Variants in SH3D19 observed in about 807,000 individuals in gnomAD.
SH3D19 encodes SH3 domain containing 19, also known as SH3 domain-containing protein 19.
SH3D19 carries 58 observed loss-of-function variants against 112.1 expected under a neutral mutation model. The observed-to-expected ratio is 0.52, with a 90% CI of 0.42 to 0.64. The LOEUF is 0.64. SH3D19 is among the 30% of genes least tolerant of loss of function. The pLI is 0.00. For missense variants in SH3D19, 1,090 were observed against 1,263.4 expected (o/e 0.86, Z 2.08); for synonymous variants, 391 against 448.5 (o/e 0.87, Z 1.62).
intron 1 of SH3D19, among the ~76,000 whole-genome samples, chr4:151,303,070 G>T (rs1458758561): frequency 6.6e-6 from 1 of 152,150 alleles, no homozygotes; most frequent in East Asian, 1.9e-4. Flanking sequence ...TCTAGAACAG[G>T]TTCTGTTGGG....
chr4:151,317,819 C>G (rs1730138044), intron 1 of SH3D19, among the ~76,000 whole-genome samples: 1 of 151,766 alleles, frequency 6.6e-6, no homozygotes, highest in South Asian at 2.1e-4. Context: ...ACTAACAATA[C>G]AAAAATCAGC....
chr4:151,123,767 C>A (rs971036249), intron 19 of SH3D19, among the ~76,000 whole-genome samples: 29 of 152,240 alleles, frequency 1.9e-4, no homozygotes, highest in African/African-American at 6.7e-4. Context: ...TTCTTAGAAT[C>A]TGTGTTTAAG....
intron 4 of SH3D19, among the ~76,000 whole-genome samples, chr4:151,178,877 T>C (rs932413814): frequency 2.0e-5 from 3 of 152,292 alleles, no homozygotes; most frequent in African/African-American, 7.2e-5. Flanking sequence ...TGGTCCTTCC[T>C]TCTATCTACC....
intron 13 of SH3D19, 34 bp from the exon 14 acceptor site, chr4:151,137,896 T>C (rs766671172): frequency 5.8e-6 from 9 of 1,552,282 alleles, no homozygotes; most frequent in African/African-American, 1.4e-5. Context: ...GTATGATGAA[T>C]CATCCTGGTT....
At chr4:151,276,346 G>A (rs1197264038) in intron 1 of SH3D19, among the ~76,000 whole-genome samples, 4 of 152,112 alleles carry the variant, frequency 2.6e-5, no homozygotes, top group Non-Finnish European at 4.4e-5. Context: ...CTTTAGAACT[G>A]AAGCATTCAT....
chr4:151,280,934 A>G (rs908410756), intron 1 of SH3D19, among the ~76,000 whole-genome samples: 2 of 152,252 alleles, frequency 1.3e-5, no homozygotes, highest in Admixed American at 1.3e-4. Context: ...ACATTTTCAC[A>G]TACACAAAGC....
At chr4:151,227,465 T>C (rs1428498171) in intron 1 of SH3D19, among the ~76,000 whole-genome samples, 1 of 152,246 alleles carries the variant, frequency 6.6e-6, no homozygotes, top group Non-Finnish European at 1.5e-5. Context: ...AGCACATTTC[T>C]GGTTCCAATT....
chr4:151,239,681 A>G (rs1435722878), intron 1 of SH3D19, among the ~76,000 whole-genome samples: 1 of 152,240 alleles, frequency 6.6e-6, no homozygotes, highest in Non-Finnish European at 1.5e-5. Flanking sequence ...TCTAAAAAAT[A>G]TGTTGACAGA....
At chr4:151,312,546 T>C (rs1729559932) in intron 1 of SH3D19, among the ~76,000 whole-genome samples, 1 of 152,180 alleles carries the variant, frequency 6.6e-6, no homozygotes, top group South Asian at 2.1e-4. Flanking sequence ...ACTGAGGGCC[T>C]TGTTGCTCAA....
At position 151,307,314 on chromosome 4, in the gene SH3D19, G is replaced by A. The variant is rs916899958; in HGVS notation, c.112+17927C>T. Among the ~76,000 whole-genome samples, 7 of 152,234 alleles carry A rather than the reference G, an allele frequency of 4.6e-5. No homozygotes were observed. In the South Asian group the frequency reaches 1.0e-3, roughly 23 times the overall value. The stretch of plus-strand genomic sequence containing the variant: ...TGGGATTACAGGCGTGAGCCACTGC[G>A]CCCGGCCCCTAATGATGACTTCTAT... On this transcript the variant is annotated intron_variant, in intron 1 of 19. Coordinates refer to ENST00000604030, the MANE Select transcript of SH3D19 (RefSeq NM_001378122.1).
chr4:151,206,309 T>A (rs934557964), intron 2 of SH3D19, among the ~76,000 whole-genome samples: 1 of 152,160 alleles, frequency 6.6e-6, no homozygotes, highest in Non-Finnish European at 1.5e-5. Flanking sequence ...AAAGAAGGTT[T>A]TTTTTGTGTG....
intron 2 of SH3D19, among the ~76,000 whole-genome samples, chr4:151,224,924 A>G (rs1445941067): frequency 6.6e-6 from 1 of 152,208 alleles, no homozygotes; most frequent in Non-Finnish European, 1.5e-5. Flanking sequence ...ACATAATTGT[A>G]CATGCCTATC....
rs555931253 is a variant in SH3D19 at position 151,278,953 on chromosome 4, T to C, written c.112+46288A>G. On this transcript the variant is annotated intron_variant, in intron 1 of 19. Transcript: ENST00000604030. ...CAGTCAATCTTACCACTTTCATTTG[T>C]CTATTGGTTCATTTATGTAGTCATG... 1.8e-4 allele frequency: 38 copies of C among 215,304 alleles called. No homozygotes were observed. The Admixed American group carries it at 1.9e-3, about 11-fold the overall frequency. 13.3% of individuals were successfully genotyped at this position (215,304 alleles called of 1,614,324 possible).
At chr4:151,270,314 A>G (rs7693644) in intron 1 of SH3D19, among the ~76,000 whole-genome samples, 13,701 of 152,030 alleles carry the variant, frequency 0.09, 754 homozygotes, top group East Asian at 0.21. Flanking sequence ...TCTTGGTACT[A>G]TCCTCAAAAT....
chr4:151,207,921 C>T (rs998206264), intron 2 of SH3D19, among the ~76,000 whole-genome samples: 2 of 152,178 alleles, frequency 1.3e-5, no homozygotes, highest in African/African-American at 4.8e-5. Flanking sequence ...TTGAAGAGCC[C>T]TGACCTTGAA....
At chr4:151,220,227 C>T (rs752275757) in intron 2 of SH3D19, among the ~76,000 whole-genome samples, 1 of 152,170 alleles carries the variant, frequency 6.6e-6, no homozygotes, top group Non-Finnish European at 1.5e-5. Flanking sequence ...TCTTGCTCTT[C>T]CTTATACATC....
At chr4:151,205,690 G>A (rs1045302779) in intron 2 of SH3D19, among the ~76,000 whole-genome samples, 2 of 152,146 alleles carry the variant, frequency 1.3e-5, no homozygotes, top group Non-Finnish European at 2.9e-5. Context: ...ACTGCAGTAA[G>A]GGAGCTGGAC....
At chr4:151,289,759 A>G (rs1327209742) in intron 1 of SH3D19, among the ~76,000 whole-genome samples, 1 of 152,182 alleles carries the variant, frequency 6.6e-6, no homozygotes, top group Non-Finnish European at 1.5e-5. Flanking sequence ...TATATGACCA[A>G]GAAAGATAAA....
intron 2 of SH3D19, among the ~76,000 whole-genome samples, chr4:151,213,683 A>T (rs56997849): frequency 0.92 from 135,982 of 147,976 alleles, 62,467 homozygotes; most frequent in Non-Finnish European, 0.98. Context: ...TTAATTAATT[A>T]ATTAATTTAT....
Sources: allele counts gnomAD v4.1 joint callset (sites outside exome capture counted in the v4.1 genomes callset), GRCh38; gene constraint gnomAD v4.1.1; transcripts MANE v1.5; gene names NCBI Gene and HGNC (gene_info 2026-07-23, HGNC 2026-07-21).